RAD54L2: variants seen among roughly 807,000 people sequenced by gnomAD.
RAD54L2 encodes RAD54 like 2.
Under a neutral mutation model 138.4 loss-of-function variants are expected in RAD54L2, and 27 were observed. The ratio of observed to expected loss-of-function variants is 0.20; its 90% CI spans 0.14 to 0.27. RAD54L2 has a LOEUF of 0.27. Ranked by LOEUF, RAD54L2 falls within the 10% of genes least tolerant of loss-of-function variation. The probability of loss-of-function intolerance (pLI) is 1.00; values close to 1 mark genes in which losing one functional copy is unlikely to be tolerated. For missense variants in RAD54L2, 1,396 were observed against 1,890.2 expected (o/e 0.74, Z 4.85); for synonymous variants, 644 against 723.2 (o/e 0.89, Z 1.76).
At chr3:51,544,838 T>G (rs1553671931) in intron 2 of RAD54L2, among the ~76,000 whole-genome samples, 1 of 152,150 alleles carries the variant, frequency 6.6e-6, no homozygotes, top group Non-Finnish European at 1.5e-5. Flanking sequence ...TGACCTCAAG[T>G]GATCTGCCCA....
chr3:51,552,561 CTTTTTTTTTTT>C (rs58505964), intron 2 of RAD54L2, among the ~76,000 whole-genome samples: 2 of 106,752 alleles, frequency 1.9e-5, no homozygotes, highest in African/African-American at 7.7e-5. Context: ...TGCGCCTGGC[CTTTTTTTTTTT>C]TTTTTTTTTT....
chr3:51,630,964 C>G (rs773505994), intron 7 of RAD54L2, 33 bp downstream of exon 7: 2 of 1,565,634 alleles, frequency 1.3e-6, no homozygotes, highest in South Asian at 1.1e-5. Flanking sequence ...TCTCCTTTTC[C>G]TTTTTGTTTC....
At chr3:51,552,419 C>G (rs144329130) in intron 2 of RAD54L2, among the ~76,000 whole-genome samples, 1 of 151,928 alleles carries the variant, frequency 6.6e-6, no homozygotes, top group Non-Finnish European at 1.5e-5. Context: ...CCCGCCACCA[C>G]GCCCGGCTGA....
chr3:51,548,440 C>T (rs560391212), intron 2 of RAD54L2, among the ~76,000 whole-genome samples: 8 of 152,160 alleles, frequency 5.3e-5, no homozygotes, highest in East Asian at 1.9e-4. Context: ...CGCCTGCCTT[C>T]GCCTCCCAAA....
At chr3:51,620,151 G>A (rs1434593077) in intron 3 of RAD54L2, among the ~76,000 whole-genome samples, 1 of 151,868 alleles carries the variant, frequency 6.6e-6, no homozygotes, top group Non-Finnish European at 1.5e-5. Context: ...AGAGTGTGGT[G>A]CAGTGGTATA....
chr3:51,615,278 G>A (rs1700420379), intron 3 of RAD54L2, among the ~76,000 whole-genome samples: 1 of 152,226 alleles, frequency 6.6e-6, no homozygotes, highest in African/African-American at 2.4e-5. Context: ...GCCTCCCAAA[G>A]GGCTGGGATT....
intron 2 of RAD54L2, among the ~76,000 whole-genome samples, chr3:51,550,304 A>G (rs966278057): frequency 1.3e-5 from 2 of 152,044 alleles, no homozygotes; most frequent in African/African-American, 2.4e-5. Context: ...TATTTTCCCC[A>G]TTGTTTCTGT....
chr3:51,640,626 T>C (rs1347983426), intron 14 of RAD54L2, among the ~76,000 whole-genome samples: 1 of 152,214 alleles, frequency 6.6e-6, no homozygotes, highest in Non-Finnish European at 1.5e-5. Flanking sequence ...GAGTGAGGGC[T>C]TCCACATGTG....
chr3:51,646,538 T>C, intron 19 of RAD54L2, 57 bp downstream of exon 19: 2 of 1,428,860 alleles, frequency 1.4e-6, no homozygotes, highest in East Asian at 2.4e-5. Flanking sequence ...ACCTTTCAAC[T>C]TGTTCATATT....
chr3:51,662,848 C>T lies in RAD54L2; in HGVS notation c.3832C>T (p.Pro1278Ser). ...SRRRSRKGHL[P>S]APVQPYEHGY... ...CCGGCGGTCCAGGAAGGGTCATCTG[C>T]CAGCCCCCGTGCAGCCGTATGAACA... The change falls in exon 23 of 23, where the codon CCA becomes TCA. Residue 1278 changes from proline to serine, a missense_variant. Transcript: ENST00000684192. This position sits in a 1 kb window ranked among gnomAD's most constrained non-coding sequence, Gnocchi z 4.6. 1 of 1,613,150 alleles carries T rather than the reference C, an allele frequency of 6.2e-7. No individual in the cohort carries two copies. Among genetic ancestry groups the T allele is most frequent in the Non-Finnish European group, 8.5e-7 (1 of 1,179,640 alleles).
chr3:51,602,536 C>T lies in RAD54L2; in HGVS notation c.139+11977C>T, dbSNP rs115773535. 4.7e-4 allele frequency among the ~76,000 whole-genome samples: 71 copies of T among 152,256 alleles called. 1 individual carries two copies. The highest frequency in any genetic ancestry group is 1.4e-3 in the African/African-American group (57 of 41,536). Reference sequence around the variant, plus strand: ...AGTTAGGTACCTGGTAGTTAAGAGTCGGCTTGGAGTCGAAGTTGCTTAAAA... The same window carrying T: ...AGTTAGGTACCTGGTAGTTAAGAGTTGGCTTGGAGTCGAAGTTGCTTAAAA... On this transcript the variant is annotated intron_variant, in intron 3 of 22. Transcript: ENST00000684192.
At chr3:51,634,358 ATTTTTTTTTTTTTTTT>A (rs61565460) in intron 9 of RAD54L2, among the ~76,000 whole-genome samples, 1 of 94,928 alleles carries the variant, frequency 1.1e-5, no homozygotes, top group African/African-American at 4.4e-5. Flanking sequence ...CCACTGTCTG[ATTTTTTTTTTTTTTTT>A]TTTTTTTTTT....
intron 2 of RAD54L2, among the ~76,000 whole-genome samples, chr3:51,543,380 G>A (rs1002327843): frequency 3.3e-5 from 5 of 152,038 alleles, no homozygotes; most frequent in South Asian, 2.1e-4. Flanking sequence ...AGGCCAAGGC[G>A]GGCGGATCAC....
chr3:51,595,076 G>C (rs1699932350), intron 3 of RAD54L2, among the ~76,000 whole-genome samples: 1 of 151,798 alleles, frequency 6.6e-6, no homozygotes, highest in African/African-American at 2.4e-5. Flanking sequence ...ATGTTGGCCA[G>C]GCTGGTCTCA....
intron 3 of RAD54L2, among the ~76,000 whole-genome samples, chr3:51,622,354 G>T (rs9864693): frequency 6.6e-6 from 1 of 151,436 alleles, no homozygotes; most frequent in Non-Finnish European, 1.5e-5. Flanking sequence ...TGCTTTCTTT[G>T]GGAGGCTTTT....
chr3:51,575,948 A>G (rs891324726), intron 2 of RAD54L2, among the ~76,000 whole-genome samples: 29 of 152,154 alleles, frequency 1.9e-4, no homozygotes, highest in Admixed American at 3.3e-4. Flanking sequence ...GAATGCTTCC[A>G]GTGTTTGCCC....
rs1324417977 is a variant in RAD54L2 at position 51,598,173 on chromosome 3, GTGTGTA to G, written c.139+7616_139+7621del. ...TATGTGTGTGTGTGTGTGTGTGTGTGTGTGTATATATATATATATATATATTTGGCT... is the reference window on the plus strand; with the variant it reads ...TATGTGTGTGTGTGTGTGTGTGTGTGTATATATATATATATATATTTGGCT... On this transcript the variant is annotated intron_variant, in intron 3 of 22. Transcript: ENST00000684192. 5.8e-4 allele frequency among the ~76,000 whole-genome samples: 84 copies of G among 144,514 alleles called. 1 individual carries two copies. Among genetic ancestry groups the G allele is most frequent in the Middle Eastern group, 3.6e-3 (1 of 276 alleles). The allele number at this position is 144,514 out of a possible 152,430, so 94.8% of individuals were successfully genotyped here.
chr3:51,546,143 T>C (rs868935627), intron 2 of RAD54L2, among the ~76,000 whole-genome samples: 1 of 151,518 alleles, frequency 6.6e-6, no homozygotes, highest in Middle Eastern at 3.4e-3. Flanking sequence ...TTCGCCATGT[T>C]GGCCAGGCTG....
intron 22 of RAD54L2, among the ~76,000 whole-genome samples, chr3:51,661,098 A>G (rs913588773): frequency 6.6e-6 from 1 of 151,610 alleles, no homozygotes; most frequent in African/African-American, 2.4e-5. Context: ...ATTAGCTGGG[A>G]TTACAGGTGC....
Sources: gnomAD v4.1 joint callset for allele counts (sites outside exome capture counted in the v4.1 genomes callset) on GRCh38, gnomAD v4.1.1 for gene constraint, Gnocchi (gnomAD v3.1) non-coding constraint, MANE v1.5 for transcripts, NCBI Gene and HGNC (gene_info 2026-07-23, HGNC 2026-07-21) for gene names.